Variants in ADCY1 observed in about 807,000 individuals in gnomAD.
ADCY1 encodes adenylate cyclase type 1.
ADCY1 carries 28 observed loss-of-function variants against 105.4 expected under a neutral mutation model. The observed-to-expected ratio is 0.27, with a 90% CI of 0.20 to 0.36. The LOEUF is 0.36. Among genes scored for constraint, ADCY1 ranks in the 10% least tolerant of loss-of-function variants. The pLI is 1.00. For synonymous variants in ADCY1, 655 were observed against 623.8 expected (o/e 1.05, Z -0.75); for missense variants, 977 against 1,434.2 (o/e 0.68, Z 5.15).
chr7:45,576,232 G>A (rs1792341803), intron 1 of ADCY1, among the ~76,000 whole-genome samples: 1 of 152,194 alleles, frequency 6.6e-6, no homozygotes, highest in African/African-American at 2.4e-5. Context: ...AGAGAGATTA[G>A]GGAAGAATAA....
chr7:45,658,010 G>A, intron 6 of ADCY1, 125 bp downstream of exon 6: 1 of 1,152,998 alleles, frequency 8.7e-7, no homozygotes, highest in Non-Finnish European at 1.2e-6. Flanking sequence ...TCCTGGAGGA[G>A]CCTGCCTGTC....
Position 45,720,227 on chromosome 7 carries a change from C to G in ADCY1, c.*6232C>G, listed in dbSNP as rs1785445217. ...AAAAACATCTTTGAAATCAGGAAAT[C>G]AGGCCGGGCGCAGTGGCTCATGCCT... On this transcript the variant is annotated 3_prime_UTR_variant, in exon 20 of 20. Coordinates refer to ENST00000297323, the MANE Select transcript of ADCY1 (RefSeq NM_021116.4). 1 of 152,152 alleles carries G rather than the reference C, an allele frequency of 6.6e-6. No homozygotes were observed. Among genetic ancestry groups the G allele is most frequent in the South Asian group, 2.1e-4 (1 of 4,810 alleles). The allele number at this position is 152,152 out of a possible 1,614,324, so 9.4% of individuals were successfully genotyped here.
chr7:45,656,219 T>C (rs1166813934), intron 5 of ADCY1, among the ~76,000 whole-genome samples: 3 of 151,392 alleles, frequency 2.0e-5, no homozygotes, highest in East Asian at 1.9e-4. Flanking sequence ...AGGAGAATGG[T>C]GTGAACCCGG....
intron 8 of ADCY1, among the ~76,000 whole-genome samples, chr7:45,673,265 G>T (rs1424635900): frequency 1.3e-5 from 2 of 152,080 alleles, no homozygotes; most frequent in African/African-American, 2.4e-5. Context: ...TCTTCGTCTG[G>T]TGTTGGTATC....
At chr7:45,651,475 T>C (rs1289874524) in intron 5 of ADCY1, among the ~76,000 whole-genome samples, 1 of 152,230 alleles carries the variant, frequency 6.6e-6, no homozygotes. Context: ...TCCTCCTACC[T>C]TGGAGTGGAG....
At chr7:45,661,445 A>C (rs551387226) in intron 7 of ADCY1, among the ~76,000 whole-genome samples, 19 of 151,940 alleles carry the variant, frequency 1.3e-4, no homozygotes, top group Non-Finnish European at 2.2e-4. Context: ...GGAACTTTGG[A>C]CTCACTCAGA....
intron 12 of ADCY1, 118 bp from the exon 13 acceptor site, chr7:45,685,844 G>C (rs1029044176): frequency 7.8e-7 from 1 of 1,284,838 alleles, no homozygotes; most frequent in Non-Finnish European, 1.1e-6. Flanking sequence ...GATAGCACTG[G>C]GGGTGGGTCA....
rs74696646 is a variant in ADCY1, at chr7:45,653,484, G to A, written c.1149-4243G>A. ...GGACACAGGCAGCACATCAGTCCCT[G>A]TGTCAATCTGAGACCTTCCACGTGT... On this transcript the variant is annotated intron_variant, in intron 5 of 19. Coordinates refer to ENST00000297323, the MANE Select transcript of ADCY1 (RefSeq NM_021116.4). Among the ~76,000 whole-genome samples the A allele has an allele frequency of 3.9e-4, 60 of 152,338 alleles. No individual in the cohort carries two copies. The East Asian group carries it at 0.011, about 27-fold the overall frequency.
chr7:45,589,628 T>A (rs1448537400), intron 1 of ADCY1, among the ~76,000 whole-genome samples: 1 of 152,030 alleles, frequency 6.6e-6, no homozygotes, highest in African/African-American at 2.4e-5. Context: ...AGTGGATGCA[T>A]TTGGTGGTTG....
chr7:45,574,255 T>C (rs1163116030), upstream of ADCY1: 2 of 594,664 alleles, frequency 3.4e-6, no homozygotes, highest in Non-Finnish European at 4.2e-6. The surrounding 1 kb of genome is among the most constrained non-coding windows in gnomAD (Gnocchi z 7.0). Flanking sequence ...GCGCGGGCTG[T>C]GCGCGCCCAG....
rs745657523 is a variant in ADCY1, at chr7:45,710,087, T to G, written c.2933-441T>G. Among the ~76,000 whole-genome samples, 4 of 152,206 alleles carry G rather than the reference T, an allele frequency of 2.6e-5. No homozygotes were observed. The highest frequency in any genetic ancestry group is 9.7e-5 in the African/African-American group (4 of 41,446). On this transcript the variant is annotated intron_variant, in intron 18 of 19. Coordinates refer to ENST00000297323, the MANE Select transcript of ADCY1 (RefSeq NM_021116.4). This position sits in a 1 kb window ranked among gnomAD's most constrained non-coding sequence, Gnocchi z 4.7. ...CTCTAAAATAGCCATAAGGTCACAT[T>G]CTGAGAAAAGGTCCGGAGCTGCTAT...
intron 3 of ADCY1, among the ~76,000 whole-genome samples, chr7:45,612,970 T>C (rs919547554): frequency 6.6e-6 from 1 of 151,620 alleles, no homozygotes; most frequent in Non-Finnish European, 1.5e-5. Context: ...TTGGTGAGAG[T>C]CTCCTCCTGT....
intron 7 of ADCY1, among the ~76,000 whole-genome samples, chr7:45,660,662 GC>G (rs1562712244): frequency 6.6e-6 from 1 of 152,210 alleles, no homozygotes; most frequent in Non-Finnish European, 1.5e-5. Flanking sequence ...GAGGGGTCAG[GC>G]TCAGGTGAGG....
intron 8 of ADCY1, among the ~76,000 whole-genome samples, chr7:45,662,785 C>T (rs1259365035): frequency 1.3e-5 from 2 of 152,192 alleles, no homozygotes; most frequent in South Asian, 2.1e-4. Context: ...ACCCCTCGCC[C>T]GCAGTGCCTG....
chr7:45,666,073 C>T (rs922596010), intron 8 of ADCY1, among the ~76,000 whole-genome samples: 5 of 152,154 alleles, frequency 3.3e-5, no homozygotes, highest in Admixed American at 6.5e-5. Context: ...GGAGTCAGCT[C>T]TGTGTTTTAG....
At chr7:45,671,821 T>G (rs756326161) in intron 8 of ADCY1, among the ~76,000 whole-genome samples, 2 of 152,186 alleles carry the variant, frequency 1.3e-5, no homozygotes, top group Admixed American at 6.5e-5. Context: ...TCATGGTATA[T>G]TCTAGAAACG....
intron 2 of ADCY1, among the ~76,000 whole-genome samples, chr7:45,605,420 T>G (rs1793347768): frequency 6.6e-6 from 1 of 152,198 alleles, no homozygotes; most frequent in Non-Finnish European, 1.5e-5. Flanking sequence ...GTGAAAGCAT[T>G]CAATGTTTGT....
At chr7:45,584,545 A>G (rs1384934146) in intron 1 of ADCY1, among the ~76,000 whole-genome samples, 1 of 152,218 alleles carries the variant, frequency 6.6e-6, no homozygotes, top group African/African-American at 2.4e-5. Context: ...GCTCTTGCCC[A>G]CTAGCCCTAA....
At chr7:45,594,141 A>G (rs948767238) in intron 2 of ADCY1, among the ~76,000 whole-genome samples, 7 of 151,730 alleles carry the variant, frequency 4.6e-5, no homozygotes, top group Non-Finnish European at 8.8e-5. Flanking sequence ...AATCAGGTAG[A>G]TGTGTTTGCG....
Sources: gnomAD v4.1 joint callset for allele counts (sites outside exome capture counted in the v4.1 genomes callset) on GRCh38, gnomAD v4.1.1 for gene constraint, Gnocchi (gnomAD v3.1) non-coding constraint, MANE v1.5 for transcripts, NCBI Gene and HGNC (gene_info 2026-07-23, HGNC 2026-07-21) for gene names.